LY75: variants seen among roughly 807,000 people sequenced by gnomAD.
The protein encoded by LY75 is C-type lectin domain family 13 member B.
In LY75, 185 loss-of-function variants were observed where a neutral mutation model predicts 231.7. That is an observed-to-expected ratio of 0.80 (90% CI 0.71 to 0.90). LY75 has a LOEUF of 0.90. Ranked by LOEUF, LY75 falls within the 40% of genes least tolerant of loss-of-function variation. The probability of loss-of-function intolerance (pLI) is 0.00; values close to 1 mark genes in which losing one functional copy is unlikely to be tolerated. For synonymous variants in LY75, 668 were observed against 689.0 expected, an observed-to-expected ratio of 0.97 and a Z score of 0.48; for missense variants, 1,947 against 2,050.2, an observed-to-expected ratio of 0.95 and a Z score of 0.97.
chr2:159,882,010 C>T, intron 7 of LY75, 114 bp downstream of exon 7: 1 of 1,269,200 alleles, frequency 7.9e-7, no homozygotes. Context: ...TCCTATCTGA[C>T]AGGGCTGATC....
At position 159,870,835 on chromosome 2, in the gene LY75, C is replaced by T. The variant is rs559427228; in HGVS notation, c.2117+1616G>A. 2.5e-4 allele frequency among the ~76,000 whole-genome samples: 38 copies of T among 152,182 alleles called. 1 individual carries two copies. Among genetic ancestry groups the T allele is most frequent in the African/African-American group, 8.4e-4 (35 of 41,536 alleles). On this transcript the variant is annotated intron_variant, in intron 13 of 34. Coordinates refer to ENST00000263636, the MANE Select transcript of LY75 (RefSeq NM_002349.4). Reference sequence around the variant, plus strand: ...CCCATAGAAAAGACTTTAAAAATCACTCAAAATCTTACTTCCTAGAGATAT... The same window carrying T: ...CCCATAGAAAAGACTTTAAAAATCATTCAAAATCTTACTTCCTAGAGATAT...
At chr2:159,824,073 G>T (rs985530703) in intron 28 of LY75, among the ~76,000 whole-genome samples, 4 of 152,174 alleles carry the variant, frequency 2.6e-5, no homozygotes, top group African/African-American at 9.7e-5. Flanking sequence ...GCATCATAAT[G>T]ACAGGATCAA....
In LY75 at chr2:159,879,325, A is replaced by C; in HGVS notation, c.1449T>G (p.Tyr483Ter). Residue 483 changes from tyrosine (Y) to a stop codon, truncating the protein, a stop_gained, in exon 9 of 35, where the codon TAT (tyrosine) becomes TAG (stop). Transcript: ENST00000263636. LOFTEE classifies it high-confidence loss of function. ...GTTTTTCTCCCTTTCTCTTGCATAC[A>C]TATTTTAGTTTCTCCTCACATGATT... Reference protein sequence around the residue: ...KVQSCEEKLKYVCKRKGEKLN... With the variant: ...KVQSCEEKLK The C allele has an allele frequency of 1.2e-6, 2 of 1,613,796 alleles. No individual in the cohort carries two copies. Among genetic ancestry groups the C allele is most frequent in the East Asian group, 2.2e-5 (1 of 44,852 alleles).
intron 21 of LY75, among the ~76,000 whole-genome samples, chr2:159,851,554 T>C (rs896614854): frequency 6.6e-6 from 1 of 152,240 alleles, no homozygotes; most frequent in African/African-American, 2.4e-5. Context: ...CACACAAACC[T>C]GCTTATCTTC....
chr2:159,831,695 C>A lies in LY75; in HGVS notation c.3933G>T (p.Trp1311Cys). Reference sequence around the variant, plus strand: ...TTCTATAAGTTATTCCTAACATGACCCATGAAGCCATATAATTGAAGTACA... The same window carrying A: ...TTCTATAAGTTATTCCTAACATGACACATGAAGCCATATAATTGAAGTACA... ...QLLYFNYMAS[W>C]VMLGITYRNK... Residue 1311 changes from tryptophan to cysteine, a missense_variant, in exon 28 of 35, where the codon TGG becomes TGT. By Grantham distance (215) the Trp-to-Cys change is radical. Coordinates refer to ENST00000263636, the MANE Select transcript of LY75 (RefSeq NM_002349.4). 1 of 1,611,234 alleles carries A rather than the reference C, an allele frequency of 6.2e-7. No individual in the cohort carries two copies. The highest frequency in any genetic ancestry group is 8.5e-7 in the Non-Finnish European group (1 of 1,179,138).
intron 23 of LY75, among the ~76,000 whole-genome samples, chr2:159,845,990 G>T (rs950465193): frequency 2.6e-5 from 4 of 151,274 alleles, no homozygotes; most frequent in African/African-American, 7.3e-5. Context: ...CATAGACAGG[G>T]TTTTGCTGTG....
intron 14 of LY75, among the ~76,000 whole-genome samples, chr2:159,863,162 A>T (rs1684764955): frequency 6.6e-6 from 1 of 151,972 alleles, no homozygotes; most frequent in Admixed American, 6.6e-5. Flanking sequence ...ATGGCTGAGT[A>T]GTACTCCATT....
Position 159,848,093 on chromosome 2 carries a change from T to TACACACACACACACACACACACACACAC in LY75, c.3150+1886_3150+1887insGTGTGTGTGTGTGTGTGTGTGTGTGTGT, listed in dbSNP as rs773757343. 2.9e-3 allele frequency among the ~76,000 whole-genome samples: 83 copies of TACACACACACACACACACACACACACAC among 28,396 alleles called. 1 individual carries two copies. Among genetic ancestry groups the TACACACACACACACACACACACACACAC allele is most frequent in the East Asian group, 0.013 (21 of 1,608 alleles). 18.6% of individuals were successfully genotyped at this position (28,396 alleles called of 152,430 possible). A position where few individuals can be genotyped will look rare whatever the true frequency, so the allele number is the denominator to read the frequency against. ...GTATATATATATATATATATATATATACACACACACATACACACACCATAT... is the reference window on the plus strand; with the variant it reads ...GTATATATATATATATATATATATATACACACACACACACACACACACACACACACACACACACATACACACACCATAT... On this transcript the variant is annotated intron_variant, in intron 23 of 34. Coordinates refer to ENST00000263636, the MANE Select transcript of LY75 (RefSeq NM_002349.4).
In LY75 at chr2:159,873,172, AGAG is replaced by A. The variant is rs560497821; in HGVS notation, c.1975-582_1975-580del. Among the ~76,000 whole-genome samples the A allele has an allele frequency of 2.6e-3, 402 of 151,890 alleles. 1 individual carries two copies. The highest frequency in any genetic ancestry group is 3.7e-3 in the African/African-American group (154 of 41,492). On this transcript the variant is annotated intron_variant, in intron 12 of 34. Transcript: ENST00000263636. ...AAAGAAGAAAGAAGAAAGAAGAAAA[AGAG>A]GAGGAGGAGGAGGCAGAGGAGGAAG...
At position 159,898,838 on chromosome 2, in the gene LY75, G is replaced by C; in HGVS notation, c.316C>G (p.Leu106Val). 1 of 1,614,222 alleles carries C rather than the reference G, an allele frequency of 6.2e-7. No homozygotes were observed. Among genetic ancestry groups the C allele is most frequent in the South Asian group, 1.1e-5 (1 of 91,090 alleles). ...GAGTGGTGCTCACATTTCCACCACAGCATGGCACTGGAGTCACAGCTGAAC... is the reference window on the plus strand; with the variant it reads ...GAGTGGTGCTCACATTTCCACCACACCATGGCACTGGAGTCACAGCTGAAC... ...RMFSCDSSAMLWWKCEHHSLY... is the reference protein window; with the variant it reads ...RMFSCDSSAMVWWKCEHHSLY... Residue 106 changes from leucine to valine, a missense_variant, in exon 2 of 35, where the codon CTG becomes GTG. By Grantham distance (32) the Leu-to-Val change is conservative (BLOSUM62 1). Transcript: ENST00000263636.
At chr2:159,813,328 TTTTG>T (rs766010479) in intron 31 of LY75, among the ~76,000 whole-genome samples, 1 of 128,314 alleles carries the variant, frequency 7.8e-6, no homozygotes, top group Non-Finnish European at 1.8e-5. Flanking sequence ...TTATTCTCTG[TTTTG>T]TTTTTTTTTT....
chr2:159,893,660 C>T (rs570845104), intron 3 of LY75, among the ~76,000 whole-genome samples: 57 of 152,156 alleles, frequency 3.7e-4, no homozygotes, highest in Non-Finnish European at 6.6e-4. Flanking sequence ...TTCCACACTT[C>T]CTCTCCCTGG....
intron 28 of LY75, among the ~76,000 whole-genome samples, chr2:159,826,323 G>A (rs1683466623): frequency 6.6e-6 from 1 of 152,064 alleles, no homozygotes; most frequent in Admixed American, 6.6e-5. Flanking sequence ...CAGACAAATA[G>A]AGAGCCAAAT....
intron 28 of LY75, among the ~76,000 whole-genome samples, chr2:159,821,832 G>A (rs1374148356): frequency 6.6e-6 from 1 of 152,192 alleles, no homozygotes; most frequent in African/African-American, 2.4e-5. Flanking sequence ...TTCCAACTGA[G>A]GTACCGGGTT....
chr2:159,822,352 G>A (rs1181595339), intron 28 of LY75, among the ~76,000 whole-genome samples: 2 of 152,216 alleles, frequency 1.3e-5, no homozygotes, highest in African/African-American at 4.8e-5. Context: ...GCTTGGTCGG[G>A]GGAGTGGCAT....
At chr2:159,874,600 T>TATGTACATATTTTATAAATATATATAAAG (rs1685161372) in intron 12 of LY75, among the ~76,000 whole-genome samples, 2 of 45,578 alleles carry the variant, frequency 4.4e-5, no homozygotes, top group African/African-American at 1.8e-4. Flanking sequence ...TATATATAAA[T>TATGTACATATTTTATAAATATATATAAAG]ATATATATTT....
chr2:159,873,853 C>T (rs1169220519), intron 12 of LY75, among the ~76,000 whole-genome samples: 1 of 120,654 alleles, frequency 8.3e-6, no homozygotes, highest in Non-Finnish European at 1.8e-5. Flanking sequence ...TACATATAAA[C>T]GTATATATTT....
Position 159,904,750 on chromosome 2 carries a change from G to A in LY75, c.-68C>T. On this transcript the variant is annotated 5_prime_UTR_variant, in exon 1 of 35. Transcript: ENST00000263636. ...GCGGCTCCCGCCCCGCCTGCTGAGCGCGGCCTGCCCCGCCCGCACCTCTGT... is the reference window on the plus strand; with the variant it reads ...GCGGCTCCCGCCCCGCCTGCTGAGCACGGCCTGCCCCGCCCGCACCTCTGT... 7.5e-7 allele frequency: 1 copy of A among 1,337,764 alleles called. No individual in the cohort carries two copies. Among genetic ancestry groups the A allele is most frequent in the Non-Finnish European group, 9.6e-7 (1 of 1,043,562 alleles). 82.9% of individuals were successfully genotyped at this position (1,337,764 alleles called of 1,614,324 possible). A position where few individuals can be genotyped will look rare whatever the true frequency, so the allele number is the denominator to read the frequency against.
At chr2:159,840,703 C>G in intron 25 of LY75, 26 bp downstream of exon 25, 1 of 1,613,768 alleles carries the variant, frequency 6.2e-7, no homozygotes, top group Non-Finnish European at 8.5e-7. Context: ...ATCACCCAGT[C>G]CTGGCAGTTG....
Sources: gnomAD v4.1 joint callset for allele counts (sites outside exome capture counted in the v4.1 genomes callset) on GRCh38, gnomAD v4.1.1 for gene constraint, MANE v1.5 for transcripts, NCBI Gene and HGNC (gene_info 2026-07-23, HGNC 2026-07-21) for gene names.